The following SUPT3H variants were observed in gnomAD, a reference collection of about 807,000 sequenced individuals.
SUPT3H encodes the protein transcription initiation protein SPT3 homolog.
In SUPT3H, 44 loss-of-function variants were observed where a neutral mutation model predicts 44.3. The ratio of observed to expected loss-of-function variants is 0.99; its 90% CI spans 0.78 to 1.28. The LOEUF (loss-of-function observed/expected upper bound fraction) is 1.28. Among genes scored for constraint, SUPT3H ranks in the 50% most tolerant of loss-of-function variants. The probability of loss-of-function intolerance (pLI) is 0.00; values close to 1 mark genes in which losing one functional copy is unlikely to be tolerated. For missense variants in SUPT3H, 380 were observed against 387.1 expected (o/e 0.98, Z 0.15); for synonymous variants, 124 against 125.6 (o/e 0.99, Z 0.09).
At chr6:44,988,135 G>A (rs1037336119) in intron 6 of SUPT3H, among the ~76,000 whole-genome samples, 1 of 152,012 alleles carries the variant, frequency 6.6e-6, no homozygotes, top group African/African-American at 2.4e-5. Flanking sequence ...AGGCATTGGT[G>A]CAGTGTGAGT....
At chr6:45,346,496 T>G (rs529382230) in intron 2 of SUPT3H, among the ~76,000 whole-genome samples, 60 of 151,642 alleles carry the variant, frequency 4.0e-4, no homozygotes, top group Middle Eastern at 3.5e-3. Context: ...ATTCCCTCTC[T>G]CCCACTCTTA....
intron 3 of SUPT3H, among the ~76,000 whole-genome samples, chr6:45,101,664 G>A (rs952799417): frequency 6.6e-6 from 1 of 151,958 alleles, no homozygotes; most frequent in Non-Finnish European, 1.5e-5. Flanking sequence ...CCAACACAAA[G>A]AAATCATAAA....
At chr6:45,322,107 AG>A (rs1333724833) in intron 2 of SUPT3H, among the ~76,000 whole-genome samples, 3 of 152,094 alleles carry the variant, frequency 2.0e-5, no homozygotes, top group African/African-American at 7.2e-5. Flanking sequence ...ATAAAAGTCT[AG>A]AGTGATCTCT....
intron 6 of SUPT3H, among the ~76,000 whole-genome samples, chr6:44,990,333 T>C (rs536178884): frequency 6.6e-6 from 1 of 152,262 alleles, no homozygotes; most frequent in Admixed American, 6.5e-5. Flanking sequence ...TCCATTGGTC[T>C]CTGTGTCTGT....
intron 10 of SUPT3H, among the ~76,000 whole-genome samples, chr6:44,856,974 G>A (rs1773838360): frequency 6.6e-6 from 1 of 152,126 alleles, no homozygotes; most frequent in African/African-American, 2.4e-5. Flanking sequence ...AATTAGGTAT[G>A]TTATTATATG....
chr6:45,192,198 C>T (rs1284558791), intron 2 of SUPT3H, among the ~76,000 whole-genome samples: 2 of 152,082 alleles, frequency 1.3e-5, no homozygotes, highest in African/African-American at 4.8e-5. Context: ...TAACTGAATT[C>T]TCTTAGTCAT....
At chr6:44,910,246 T>C (rs1427764028) in intron 10 of SUPT3H, among the ~76,000 whole-genome samples, 4 of 152,176 alleles carry the variant, frequency 2.6e-5, no homozygotes, top group Non-Finnish European at 5.9e-5. Flanking sequence ...TGACCTTCCA[T>C]GTTTCCCAAC....
At chr6:45,236,249 T>G (rs532896335) in intron 2 of SUPT3H, among the ~76,000 whole-genome samples, 63 of 152,148 alleles carry the variant, frequency 4.1e-4, no homozygotes, top group Middle Eastern at 3.4e-3. Context: ...GAACCCAACG[T>G]TGGGGCTCAA....
At chr6:44,928,859 G>A (rs1296870684) in intron 10 of SUPT3H, among the ~76,000 whole-genome samples, 4 of 97,950 alleles carry the variant, frequency 4.1e-5, no homozygotes, top group African/African-American at 1.9e-4. Flanking sequence ...CTCCCGCCTG[G>A]GCGACAGAAC....
intron 2 of SUPT3H, among the ~76,000 whole-genome samples, chr6:45,282,839 G>A (rs185534716): frequency 3.9e-4 from 60 of 152,284 alleles, no homozygotes; most frequent in Middle Eastern, 6.8e-3. Flanking sequence ...CAGAGAGAAA[G>A]GTCAAGTTAC....
At chr6:45,113,867 A>C (rs929141700) in intron 2 of SUPT3H, among the ~76,000 whole-genome samples, 4 of 151,592 alleles carry the variant, frequency 2.6e-5, no homozygotes, top group Non-Finnish European at 5.9e-5. Context: ...CATCTAAGAC[A>C]ACAGATTTCC....
At chr6:45,270,244 C>G (rs1383495899) in intron 2 of SUPT3H, among the ~76,000 whole-genome samples, 1 of 152,042 alleles carries the variant, frequency 6.6e-6, no homozygotes, top group African/African-American at 2.4e-5. Context: ...AACTGAGAGT[C>G]CTGGGAATTT....
intron 3 of SUPT3H, among the ~76,000 whole-genome samples, chr6:45,049,027 CAT>C (rs1220472825): frequency 8.5e-5 from 13 of 152,048 alleles, no homozygotes; most frequent in Admixed American, 5.9e-4. Context: ...GCTAAGAGTG[CAT>C]ATGTCTTCTC....
intron 2 of SUPT3H, among the ~76,000 whole-genome samples, chr6:45,265,718 A>T (rs567490217): frequency 6.6e-6 from 1 of 152,246 alleles, no homozygotes; most frequent in African/African-American, 2.4e-5. Flanking sequence ...AAGAAAAAAT[A>T]TCACGTAAAA....
chr6:45,094,620 G>C (rs981748123), intron 3 of SUPT3H, among the ~76,000 whole-genome samples: 2 of 152,052 alleles, frequency 1.3e-5, no homozygotes, highest in African/African-American at 4.8e-5. Context: ...TGTAGCATAA[G>C]AGGCATTCTA....
intron 2 of SUPT3H, among the ~76,000 whole-genome samples, chr6:45,257,623 TCA>T (rs1188847933): frequency 1.3e-5 from 2 of 152,162 alleles, no homozygotes; most frequent in Admixed American, 1.3e-4. Flanking sequence ...ATTTATTGTC[TCA>T]CAGTTCTGGA....
At chr6:44,941,223 A>G (rs1772370681) in intron 9 of SUPT3H, among the ~76,000 whole-genome samples, 1 of 152,056 alleles carries the variant, frequency 6.6e-6, no homozygotes, top group Non-Finnish European at 1.5e-5. Flanking sequence ...ATATTTTATA[A>G]GACCTGAGAA....
intron 2 of SUPT3H, among the ~76,000 whole-genome samples, chr6:45,331,696 G>A (rs758004995): frequency 6.6e-6 from 1 of 151,844 alleles, no homozygotes; most frequent in African/African-American, 2.4e-5. Context: ...ACACTGAAAA[G>A]AAATTGTGGA....
chr6:45,175,212 T>C (rs1811529235), intron 2 of SUPT3H, among the ~76,000 whole-genome samples: 1 of 152,064 alleles, frequency 6.6e-6, no homozygotes, highest in Non-Finnish European at 1.5e-5. Context: ...TAATCTTTTA[T>C]TACTAGATTG....
Sources: allele counts gnomAD v4.1 joint callset (sites outside exome capture counted in the v4.1 genomes callset), GRCh38; gene constraint gnomAD v4.1.1; transcripts MANE v1.5; gene names NCBI Gene and HGNC (gene_info 2026-07-23, HGNC 2026-07-21).